The following UNC5C variants were observed in gnomAD, a reference collection of about 807,000 sequenced individuals.
The protein encoded by UNC5C is netrin receptor UNC5C.
In UNC5C, 47 loss-of-function variants were observed where a neutral mutation model predicts 99.8. The observed-to-expected ratio is 0.47, with a 90% CI of 0.37 to 0.60. UNC5C has a LOEUF of 0.60. Ranked by LOEUF, UNC5C falls within the 20% of genes least tolerant of loss-of-function variation. The pLI is 0.00. For missense variants in UNC5C, 1,062 were observed against 1,165.9 expected, an observed-to-expected ratio of 0.91 and a Z score of 1.30; for synonymous variants, 487 against 452.2, an observed-to-expected ratio of 1.08 and a Z score of -0.98.
At chr4:95,280,953 G>A (rs1046061048) in intron 3 of UNC5C, among the ~76,000 whole-genome samples, 9 of 152,106 alleles carry the variant, frequency 5.9e-5, no homozygotes, top group Admixed American at 2.0e-4. Flanking sequence ...TTTCTCTTCT[G>A]ATGTGGTGGC....
chr4:95,317,058 C>T (rs966112572), intron 2 of UNC5C, among the ~76,000 whole-genome samples: 3 of 151,458 alleles, frequency 2.0e-5, no homozygotes, highest in African/African-American at 7.3e-5. Context: ...TATAACCTTG[C>T]CAAAGGTTCA....
chr4:95,358,322 C>A (rs1330144401), intron 1 of UNC5C, among the ~76,000 whole-genome samples: 1 of 152,066 alleles, frequency 6.6e-6, no homozygotes, highest in Non-Finnish European at 1.5e-5. Flanking sequence ...TGTGGCTTTG[C>A]AAGAAGAGTG....
intron 1 of UNC5C, among the ~76,000 whole-genome samples, chr4:95,468,010 G>T (rs1034547197): frequency 1.3e-5 from 2 of 152,172 alleles, no homozygotes; most frequent in African/African-American, 4.8e-5. Flanking sequence ...GATGAGGAGG[G>T]GTTGGTCTTG....
intron 1 of UNC5C, among the ~76,000 whole-genome samples, chr4:95,452,862 A>T (rs1006060218): frequency 2.0e-5 from 3 of 152,170 alleles, no homozygotes; most frequent in African/African-American, 7.2e-5. Context: ...TGAAAGAAAG[A>T]GGGTAAGGTA....
At chr4:95,394,651 C>CTCTGTG (rs1745457822) in intron 1 of UNC5C, among the ~76,000 whole-genome samples, 1 of 147,634 alleles carries the variant, frequency 6.8e-6, no homozygotes, top group Admixed American at 6.8e-5. Flanking sequence ...AAGGTATTTG[C>CTCTGTG]TGTGTGTGTG....
chr4:95,331,924 C>T (rs1039955485), intron 2 of UNC5C, among the ~76,000 whole-genome samples: 40 of 151,874 alleles, frequency 2.6e-4, no homozygotes, highest in African/African-American at 8.9e-4. Context: ...TATACACCAA[C>T]AACAGACAAA....
intron 4 of UNC5C, among the ~76,000 whole-genome samples, chr4:95,256,639 T>C (rs1399690923): frequency 6.7e-5 from 10 of 149,186 alleles, no homozygotes; most frequent in Non-Finnish European, 8.9e-5. Context: ...ATCCATAAAC[T>C]GTAAGTCAGA....
intron 2 of UNC5C, among the ~76,000 whole-genome samples, chr4:95,313,646 G>A (rs1742360226): frequency 6.6e-6 from 1 of 152,146 alleles, no homozygotes; most frequent in Non-Finnish European, 1.5e-5. Flanking sequence ...TCACTTCTGA[G>A]TGACTACCAC....
chr4:95,311,909 C>A (rs1384861), intron 2 of UNC5C, among the ~76,000 whole-genome samples: 9 of 151,916 alleles, frequency 5.9e-5, no homozygotes, highest in African/African-American at 2.2e-4. Context: ...TAGCTAGGCA[C>A]GGTGGTGTAT....
At chr4:95,484,315 G>T (rs1477279123) in intron 1 of UNC5C, among the ~76,000 whole-genome samples, 2 of 151,824 alleles carry the variant, frequency 1.3e-5, no homozygotes, top group Non-Finnish European at 2.9e-5. Flanking sequence ...ATTTTTGGCT[G>T]CCCCATTGAG....
intron 1 of UNC5C, among the ~76,000 whole-genome samples, chr4:95,444,482 C>A (rs535517007): frequency 6.6e-6 from 1 of 152,302 alleles, no homozygotes; most frequent in East Asian, 1.9e-4. Context: ...CAGGGGCCTG[C>A]CACCTTGCCT....
At position 95,301,580 on chromosome 4, in the gene UNC5C, A is replaced by G. The variant is rs1741880013; in HGVS notation, c.490+26T>C. 2.5e-6 allele frequency: 4 copies of G among 1,613,580 alleles called. No homozygotes were observed. In the African/African-American group the frequency reaches 5.3e-5, roughly 22 times the overall value. The stretch of plus-strand genomic sequence containing the variant: ...TTATGTGTATCAACTTCTGAGACCC[A>G]AGGTGCTTATTGTACAATGACTCAC... On this transcript the variant is annotated intron_variant, in intron 3 of 15. Transcript: ENST00000453304.
At chr4:95,304,748 A>C (rs549873462) in intron 2 of UNC5C, among the ~76,000 whole-genome samples, 1 of 152,204 alleles carries the variant, frequency 6.6e-6, no homozygotes, top group African/African-American at 2.4e-5. Flanking sequence ...TTTCCTTAGA[A>C]CTATAATGGT....
chr4:95,333,447 C>T (rs1171265986), intron 2 of UNC5C, among the ~76,000 whole-genome samples: 1 of 151,838 alleles, frequency 6.6e-6, no homozygotes, highest in Non-Finnish European at 1.5e-5. Flanking sequence ...TGGAAATCAT[C>T]ATTCTCAGTA....
At chr4:95,303,618 G>T (rs1436375979) in intron 2 of UNC5C, among the ~76,000 whole-genome samples, 1 of 152,216 alleles carries the variant, frequency 6.6e-6, no homozygotes, top group Non-Finnish European at 1.5e-5. Flanking sequence ...GGAGTCTGCA[G>T]TGAGCCGAGA....
chr4:95,367,739 T>G (rs2149437517), intron 1 of UNC5C, among the ~76,000 whole-genome samples: 1 of 152,294 alleles, frequency 6.6e-6, no homozygotes, highest in Non-Finnish European at 1.5e-5. Context: ...ATGTTTAAAC[T>G]TTTCACATAG....
chr4:95,320,437 A>G (rs1448894442), intron 2 of UNC5C, among the ~76,000 whole-genome samples: 2 of 141,772 alleles, frequency 1.4e-5, no homozygotes, highest in East Asian at 2.1e-4. Context: ...AAAAAAAAAA[A>G]AGAAAAGAAA....
At chr4:95,239,603 C>T (rs1252769479) in intron 7 of UNC5C, among the ~76,000 whole-genome samples, 1 of 152,164 alleles carries the variant, frequency 6.6e-6, no homozygotes, top group Non-Finnish European at 1.5e-5. Context: ...CTTGGAGTTG[C>T]AGCTTCATTT....
At chr4:95,230,559 G>T (rs1488850935) in intron 7 of UNC5C, among the ~76,000 whole-genome samples, 1 of 151,840 alleles carries the variant, frequency 6.6e-6, no homozygotes, top group Non-Finnish European at 1.5e-5. Context: ...TTTCTTCTAG[G>T]GTTTTTATGG....
Sources: gnomAD v4.1 joint callset for allele counts (sites outside exome capture counted in the v4.1 genomes callset) on GRCh38, gnomAD v4.1.1 for gene constraint, MANE v1.5 for transcripts, NCBI Gene and HGNC (gene_info 2026-07-23, HGNC 2026-07-21) for gene names.